The following FAM184B variants were observed in gnomAD, a reference collection of about 807,000 sequenced individuals.
FAM184B encodes family with sequence similarity 184 member B.
A neutral mutation model predicts 135.9 loss-of-function variants in FAM184B; 111 were observed. The ratio of observed to expected loss-of-function variants is 0.82; its 90% CI spans 0.70 to 0.96. FAM184B has a LOEUF of 0.96. Among genes scored for constraint, FAM184B ranks in the 40% least tolerant of loss-of-function variants. The pLI is 0.00. For missense variants in FAM184B, 1,375 were observed against 1,323.9 expected, an observed-to-expected ratio of 1.04 and a Z score of -0.60; for synonymous variants, 552 against 524.8, an observed-to-expected ratio of 1.05 and a Z score of -0.71.
At chr4:17,637,522 A>G (rs950827741) in intron 14 of FAM184B, among the ~76,000 whole-genome samples, 2 of 152,132 alleles carry the variant, frequency 1.3e-5, no homozygotes. Context: ...TGTGGGCCCC[A>G]GTTCCCTCTC....
rs763456935 is a variant in FAM184B at position 17,756,499 on chromosome 4, G to T, written c.141+24660C>A. ...TTGGAGGATGTAAGGAAAATAAACCGTAATTTTTAAGGCAGGTAATCAACA... is the reference window on the plus strand; with the variant it reads ...TTGGAGGATGTAAGGAAAATAAACCTTAATTTTTAAGGCAGGTAATCAACA... On this transcript the variant is annotated intron_variant, in intron 1 of 17. Coordinates refer to ENST00000265018, the MANE Select transcript of FAM184B (RefSeq NM_015688.2). 1.3e-5 allele frequency among the ~76,000 whole-genome samples: 2 copies of T among 152,074 alleles called. 1 individual carries two copies. Among genetic ancestry groups the T allele is most frequent in the South Asian group, 4.1e-4 (2 of 4,828 alleles).
chr4:17,654,422 A>G (rs773999392), intron 10 of FAM184B, among the ~76,000 whole-genome samples: 27 of 152,272 alleles, frequency 1.8e-4, no homozygotes, highest in Non-Finnish European at 2.5e-4. Flanking sequence ...AGCTCAAGCA[A>G]TCCTCCTGCC....
intron 7 of FAM184B, among the ~76,000 whole-genome samples, chr4:17,670,839 C>T (rs914052485): frequency 6.6e-6 from 1 of 152,180 alleles, no homozygotes; most frequent in Admixed American, 6.5e-5. Context: ...CACGTAATTC[C>T]ATATCACTGC....
chr4:17,639,427 C>T, intron 13 of FAM184B, 31 bp from the exon 14 acceptor site: 1 of 1,549,308 alleles, frequency 6.5e-7, no homozygotes, highest in East Asian at 2.4e-5. Context: ...GCCAGGCTTG[C>T]CCAGCTCCAG....
At position 17,642,165 on chromosome 4, in the gene FAM184B, C is replaced by T; in HGVS notation, c.2410G>A (p.Gly804Arg). The change falls in exon 13 of 18, where the codon GGA becomes AGA. Residue 804 changes from glycine to arginine, a missense_variant. Physicochemically the swap from Gly to Arg is moderately radical, Grantham distance 125. Transcript: ENST00000265018. ...GCGTTCTCCTCCCAGAGCCCGCATC[C>T]CTCGCCGGAACCCTGCCCAGCAGCG... Reference protein sequence around the residue: ...PGAAGQGSGEGCGLWEENAQL... With the variant: ...PGAAGQGSGERCGLWEENAQL... The T allele has an allele frequency of 6.5e-7, 1 of 1,533,042 alleles. No individual in the cohort carries two copies. The highest frequency in any genetic ancestry group is 8.7e-7 in the Non-Finnish European group (1 of 1,145,400). The allele number at this position is 1,533,042 out of a possible 1,614,324, so 95.0% of individuals were successfully genotyped here.
intron 12 of FAM184B, 64 bp from the exon 13 acceptor site, chr4:17,642,292 C>T: frequency 7.1e-7 from 1 of 1,403,470 alleles, no homozygotes; most frequent in Non-Finnish European, 9.2e-7. Flanking sequence ...CAGAAAGGGC[C>T]AGAGATGTGC....
chr4:17,707,307 T>C (rs867515433), intron 3 of FAM184B, among the ~76,000 whole-genome samples: 3 of 152,180 alleles, frequency 2.0e-5, no homozygotes, highest in Non-Finnish European at 2.9e-5. Flanking sequence ...TGTTAAATGA[T>C]GTTAAAAGCA....
rs1191750157 is a variant in FAM184B, at chr4:17,684,164, A to T, written c.1596+4260T>A. Among the ~76,000 whole-genome samples, 430 of 145,418 alleles carry T rather than the reference A, an allele frequency of 3.0e-3. 2 individuals carry two copies. Among genetic ancestry groups the T allele is most frequent in the Non-Finnish European group, 5.5e-3 (364 of 65,724 alleles). On this transcript the variant is annotated intron_variant, in intron 7 of 17. Transcript: ENST00000265018. Reference sequence around the variant, plus strand: ...ATAAAATAATTATATAATAAAATATAATATAAAATAAAATAATTATATATA... The same window carrying T: ...ATAAAATAATTATATAATAAAATATTATATAAAATAAAATAATTATATATA...
chr4:17,638,134 C>CTTTTTTTTTTTTT (rs56926847), intron 14 of FAM184B, among the ~76,000 whole-genome samples: 14 of 73,408 alleles, frequency 1.9e-4, no homozygotes, highest in East Asian at 8.5e-4. Context: ...TAACTGTTTG[C>CTTTTTTTTTTTTT]TTTTTTTTTT....
intron 6 of FAM184B, among the ~76,000 whole-genome samples, chr4:17,692,598 G>A (rs945186788): frequency 1.3e-5 from 2 of 152,134 alleles, no homozygotes; most frequent in South Asian, 2.1e-4. Flanking sequence ...ACTGTTTTGC[G>A]CATGGCCTTT....
At chr4:17,685,090 A>G (rs1042212271) in intron 7 of FAM184B, among the ~76,000 whole-genome samples, 2 of 151,412 alleles carry the variant, frequency 1.3e-5, no homozygotes, top group African/African-American at 2.4e-5. Flanking sequence ...GATCTAATAC[A>G]TGCTGGGCTT....
chr4:17,748,505 ATTTTTTTTTT>A (rs34998803), intron 1 of FAM184B, among the ~76,000 whole-genome samples: 1,421 of 98,592 alleles, frequency 0.014, 32 homozygotes, highest in African/African-American at 0.057. Context: ...CTCTTGTGTA[ATTTTTTTTTT>A]TTTTTTTTTT....
intron 6 of FAM184B, among the ~76,000 whole-genome samples, chr4:17,690,993 G>A (rs1716719169): frequency 6.6e-6 from 1 of 152,142 alleles, no homozygotes; most frequent in South Asian, 2.1e-4. Context: ...GGGGGTAGGA[G>A]GAGTCAAGAA....
At position 17,709,349 on chromosome 4, in the gene FAM184B, G is replaced by A. The variant is rs779647097; in HGVS notation, c.437C>T (p.Thr146Met). 149 of 1,549,054 alleles carry A rather than the reference G, an allele frequency of 9.6e-5. No individual in the cohort carries two copies. The highest frequency in any genetic ancestry group is 1.2e-4 in the Non-Finnish European group (141 of 1,145,316). ...VEAEHAERVL[T>M]LSREMLELKA... ...GAGCTCCAGCATTTCCCTGGAGAGC[G>A]TGAGGACTCGCTCGGCGTGCTCTGC... Residue 146 changes from threonine (T) to methionine (M), a missense_variant, in exon 2 of 18, where the codon ACG becomes ATG. Physicochemically the swap from Thr to Met is moderately conservative, Grantham distance 81. Transcript: ENST00000265018.
chr4:17,683,904 C>T (rs1716505541), intron 7 of FAM184B, among the ~76,000 whole-genome samples: 3 of 151,506 alleles, frequency 2.0e-5, no homozygotes, highest in East Asian at 1.9e-4. Context: ...GATGAAGGCT[C>T]GTCTCTACAA....
At chr4:17,707,865 C>T in intron 2 of FAM184B, 81 bp from the exon 3 acceptor site, 2 of 1,496,412 alleles carry the variant, frequency 1.3e-6, no homozygotes, top group Non-Finnish European at 9.0e-7. Flanking sequence ...AGCCATCAGA[C>T]CTGAAAGGCG....
At chr4:17,636,392 C>G in intron 15 of FAM184B, 136 bp downstream of exon 15, 1 of 709,472 alleles carries the variant, frequency 1.4e-6, no homozygotes, top group African/African-American at 1.8e-5. Context: ...CTTGAGCCAC[C>G]GCGCACGGCA....
intron 1 of FAM184B, among the ~76,000 whole-genome samples, chr4:17,742,244 G>C (rs1395925008): frequency 1.3e-5 from 2 of 150,442 alleles, no homozygotes; most frequent in Non-Finnish European, 2.9e-5. Context: ...AAGACAAGAG[G>C]ATCGCTTGAA....
rs768821914 is a variant in FAM184B at position 17,642,023 on chromosome 4, T to TGGCGCGGTGGCGG, written c.2519+20_2519+32dup. 22 of 1,502,916 alleles carry TGGCGCGGTGGCGG rather than the reference T, an allele frequency of 1.5e-5. No individual in the cohort carries two copies. The South Asian group carries it at 1.5e-4, about 10-fold the overall frequency. 93.1% of individuals were successfully genotyped at this position (1,502,916 alleles called of 1,614,324 possible). A position where few individuals can be genotyped will look rare whatever the true frequency, so the allele number is the denominator to read the frequency against. On this transcript the variant is annotated intron_variant, in intron 13 of 17. Transcript: ENST00000265018. The stretch of plus-strand genomic sequence containing the variant: ...GGGGTGGCGGGGTAGGGGGTGAGGG[T>TGGCGCGGTGGCGG]GGCGCGGTGGCGGGGCGCGCCGGGT...
Sources: gnomAD v4.1 joint callset for allele counts (sites outside exome capture counted in the v4.1 genomes callset) on GRCh38, gnomAD v4.1.1 for gene constraint, MANE v1.5 for transcripts, NCBI Gene and HGNC (gene_info 2026-07-23, HGNC 2026-07-21) for gene names.